Variants in CEP152 observed in about 807,000 individuals in gnomAD.
CEP152 encodes centrosomal protein 152, also known as centrosomal protein of 152 kDa.
In CEP152, 132 loss-of-function variants were observed where a neutral mutation model predicts 188.9. The ratio of observed to expected loss-of-function variants is 0.70; its 90% confidence interval spans 0.61 to 0.81. The LOEUF (loss-of-function observed/expected upper bound fraction) is 0.81. CEP152 is among the 30% of genes least tolerant of loss of function. The probability of loss-of-function intolerance (pLI) is 0.00; values close to 1 mark genes in which losing one functional copy is unlikely to be tolerated. For synonymous variants in CEP152, 649 were observed against 666.6 expected, an observed-to-expected ratio of 0.97 and a Z score of 0.41; for missense variants, 1,914 against 1,969.8, an observed-to-expected ratio of 0.97 and a Z score of 0.54.
intron 10 of CEP152, among the ~76,000 whole-genome samples, chr15:48,782,805 C>T (rs1044732834): frequency 1.3e-5 from 2 of 152,092 alleles, no homozygotes; most frequent in Non-Finnish European, 2.9e-5. Context: ...AAATGACCAT[C>T]TGGGAAATGA....
chr15:48,798,025 G>A lies in CEP152; in HGVS notation c.114C>T (p.Pro38=). 6.2e-7 allele frequency: 1 copy of A among 1,613,978 alleles called. No homozygotes were observed. Among genetic ancestry groups the A allele is most frequent in the Non-Finnish European group, 8.5e-7 (1 of 1,179,942 alleles). The part of the protein sequence containing the change: ...KELQQLLTDL[P]HDMLDDDLSS... The stretch of plus-strand genomic sequence containing the variant: ...AGAGGTCGTCATCCAGCATGTCATG[G>A]GGAAGGTCTGTGAGTAACTGCTGCA... The change falls in exon 3 of 27, where the codon CCC becomes CCT. Residue 38 remains proline (P), a synonymous_variant. Coordinates refer to ENST00000380950, the MANE Select transcript of CEP152 (RefSeq NM_001194998.2).
intron 7 of CEP152, among the ~76,000 whole-genome samples, chr15:48,792,954 T>A (rs969204312): frequency 6.6e-6 from 1 of 152,010 alleles, no homozygotes; most frequent in Admixed American, 6.6e-5. Flanking sequence ...CCCAAGTAGA[T>A]GGGATTACAG....
rs371657566 is a variant in CEP152, at chr15:48,758,446, G to A, written c.2694+1689C>T. ...AGAAATGCAAATTCCAGCCAGGTGCGGTGACTCCCACCTGTAATCCCAGCA... is the reference window on the plus strand; with the variant it reads ...AGAAATGCAAATTCCAGCCAGGTGCAGTGACTCCCACCTGTAATCCCAGCA... On this transcript the variant is annotated intron_variant, in intron 19 of 26. Transcript: ENST00000380950. Among the ~76,000 whole-genome samples, 5 of 152,114 alleles carry A rather than the reference G, an allele frequency of 3.3e-5. No homozygotes were observed. The East Asian group carries it at 9.7e-4, about 29-fold the overall frequency.
downstream of CEP152, among the ~76,000 whole-genome samples, chr15:48,735,712 C>T (rs7165151): frequency 0.016 from 2,374 of 151,426 alleles, 51 homozygotes; most frequent in East Asian, 0.088. Context: ...TCCAGCCTGG[C>T]GACAGAGCAA....
At chr15:48,744,499 G>A (rs930054454) in intron 23 of CEP152, among the ~76,000 whole-genome samples, 156 bp from the exon 24 acceptor site, 3 of 151,854 alleles carry the variant, frequency 2.0e-5, no homozygotes, top group Admixed American at 2.0e-4. Flanking sequence ...TTAAAATAGG[G>A]GAAAAATGGA....
At chr15:48,751,208 A>G (rs760432010) in intron 21 of CEP152, among the ~76,000 whole-genome samples, 3 of 152,160 alleles carry the variant, frequency 2.0e-5, no homozygotes, top group Non-Finnish European at 4.4e-5. Context: ...ACTAAAGAAA[A>G]ATATTTTTAT....
intron 5 of CEP152, 129 bp from the exon 6 acceptor site, chr15:48,796,289 TACACACACAC>T (rs3074978): frequency 9.5e-5 from 52 of 549,010 alleles, no homozygotes; most frequent in African/African-American, 3.0e-4. Flanking sequence ...TTTATATATA[TACACACACAC>T]ACACACACAC....
downstream of CEP152, among the ~76,000 whole-genome samples, chr15:48,733,225 AGAAGGGGT>A (rs1312984286): frequency 6.6e-6 from 1 of 152,200 alleles, no homozygotes; most frequent in Non-Finnish European, 1.5e-5. Context: ...CCCAATATAA[AGAAGGGGT>A]GACTGTTTGG....
chr15:48,744,950 T>G lies in CEP152; in HGVS notation c.3677A>C (p.Asn1226Thr). ...TTCTTCCAATTTATTCTTCATGTCGTTGTTTTCTTCTATTAATTCTTCAAC... is the reference window on the plus strand; with the variant it reads ...TTCTTCCAATTTATTCTTCATGTCGGTGTTTTCTTCTATTAATTCTTCAAC... ...KVVEELIEEN[N>T]DMKNKLEELQ... Residue 1226 changes from asparagine to threonine, a missense_variant, in exon 23 of 27, where the codon AAC becomes ACC. Physicochemically the swap from Asn to Thr is moderately conservative, Grantham distance 65 (BLOSUM62 0). Coordinates refer to ENST00000380950, the MANE Select transcript of CEP152 (RefSeq NM_001194998.2). The G allele has an allele frequency of 2.5e-6, 4 of 1,611,060 alleles. No individual in the cohort carries two copies. Among genetic ancestry groups the G allele is most frequent in the Non-Finnish European group, 3.4e-6 (4 of 1,178,974 alleles).
At chr15:48,792,284 C>G (rs1368397608) in intron 7 of CEP152, among the ~76,000 whole-genome samples, 2 of 152,182 alleles carry the variant, frequency 1.3e-5, no homozygotes, top group Non-Finnish European at 2.9e-5. Context: ...GCCACCGTGC[C>G]CGACCCACTT....
At chr15:48,751,727 G>A (rs1158142074) in intron 21 of CEP152, among the ~76,000 whole-genome samples, 1 of 152,132 alleles carries the variant, frequency 6.6e-6, no homozygotes, top group Non-Finnish European at 1.5e-5. Flanking sequence ...TAAAGGATTT[G>A]CAAATTTCTA....
At chr15:48,761,784 T>C (rs1014726870) in intron 18 of CEP152, among the ~76,000 whole-genome samples, 1 of 152,208 alleles carries the variant, frequency 6.6e-6, no homozygotes. Context: ...ATATAACAGA[T>C]AACTCATCTT....
intron 20 of CEP152, among the ~76,000 whole-genome samples, chr15:48,755,017 CTT>C (rs34877620): frequency 6.2e-5 from 9 of 144,228 alleles, no homozygotes; most frequent in South Asian, 2.2e-4. Context: ...ATAATACTGG[CTT>C]TTTTTTTTTT....
chr15:48,798,129 G>GT (rs1230399268), intron 2 of CEP152, 78 bp from the exon 3 acceptor site: 1 of 1,091,864 alleles, frequency 9.2e-7, no homozygotes, highest in Non-Finnish European at 1.4e-6. Context: ...GGAACGAGTG[G>GT]TTTTTTACTG....
chr15:48,779,516 T>C (rs1481841906), intron 12 of CEP152, among the ~76,000 whole-genome samples: 1 of 152,248 alleles, frequency 6.6e-6, no homozygotes, highest in Non-Finnish European at 1.5e-5. Context: ...ACAGCCATCA[T>C]TTATCAAATG....
chr15:48,790,451 C>A (rs190316727), intron 8 of CEP152, among the ~76,000 whole-genome samples: 236 of 152,280 alleles, frequency 1.5e-3, no homozygotes, highest in African/African-American at 5.4e-3. Context: ...TAGCTAAGAC[C>A]TGAAGGATGA....
Position 48,738,090 on chromosome 15 carries a change from A to C in CEP152, c.*159T>G, listed in dbSNP as rs1223000728. 1 of 805,980 alleles carries C rather than the reference A, an allele frequency of 1.2e-6. No individual in the cohort carries two copies. 49.9% of individuals were successfully genotyped at this position (805,980 alleles called of 1,614,324 possible). A position where few individuals can be genotyped will look rare whatever the true frequency, so the allele number is the denominator to read the frequency against. ...CAGGCCTTTGGAATATTAAGGCAAC[A>C]TAAATATCTCAAGCAATTTTAGAAG... On this transcript the variant is annotated 3_prime_UTR_variant, in exon 27 of 27. Coordinates refer to ENST00000380950, the MANE Select transcript of CEP152 (RefSeq NM_001194998.2).
chr15:48,806,393 T>A (rs747341135), intron 1 of CEP152, among the ~76,000 whole-genome samples: 1 of 145,754 alleles, frequency 6.9e-6, no homozygotes, highest in Non-Finnish European at 1.6e-5. Context: ...AAAAAGCTGC[T>A]GCTGATTTAA....
At chr15:48,793,245 G>A (rs1452925299) in intron 7 of CEP152, 76 bp downstream of exon 7, 3 of 1,550,040 alleles carry the variant, frequency 1.9e-6, no homozygotes, top group Admixed American at 1.7e-5. Flanking sequence ...TCTAAGCTTC[G>A]TATGTAATCT....
Sources: gnomAD v4.1 joint callset for allele counts (sites outside exome capture counted in the v4.1 genomes callset) on GRCh38, gnomAD v4.1.1 for gene constraint, MANE v1.5 for transcripts, NCBI Gene and HGNC (gene_info 2026-07-23, HGNC 2026-07-21) for gene names.